IKBKB: variants seen among roughly 807,000 people sequenced by gnomAD.
IKBKB encodes inhibitor of nuclear factor kappa B kinase subunit beta.
IKBKB carries 42 observed loss-of-function variants against 113.6 expected under a neutral mutation model. The observed-to-expected ratio is 0.37, with a 90% CI of 0.29 to 0.48. The LOEUF (loss-of-function observed/expected upper bound fraction) is 0.48. IKBKB is among the 20% of genes least tolerant of loss of function. The pLI, the probability that IKBKB is intolerant of heterozygous loss-of-function variation, is 0.99. For synonymous variants in IKBKB, 296 were observed against 361.3 expected (o/e 0.82, Z 2.05); for missense variants, 673 against 939.7 (o/e 0.72, Z 3.71).
chr8:42,275,895 G>GC (rs2130062581), intron 2 of IKBKB, among the ~76,000 whole-genome samples: 1 of 152,108 alleles, frequency 6.6e-6, no homozygotes, highest in South Asian at 2.1e-4. Context: ...AGGCTGGAGT[G>GC]CAGTGGCATG....
At chr8:42,326,322 C>T (rs1018074240) in intron 20 of IKBKB, 1 of 548,688 alleles carries the variant, frequency 1.8e-6, no homozygotes, top group African/African-American at 1.9e-5. Flanking sequence ...GGATGACTAA[C>T]TGCTTAATGA....
chr8:42,271,641 TGGGGTGGCTTCTTG>T (rs1041362843), intron 1 of IKBKB, 172 bp downstream of exon 1: 6 of 543,888 alleles, frequency 1.1e-5, no homozygotes, highest in East Asian at 3.3e-5. Context: ...CAGCTCTCCC[TGGGGTGGCTTCTTG>T]GGGGTGGGTG....
At chr8:42,326,666 C>G (rs1207187970) in intron 20 of IKBKB, among the ~76,000 whole-genome samples, 1 of 152,186 alleles carries the variant, frequency 6.6e-6, no homozygotes, top group African/African-American at 2.4e-5. Context: ...AACAGCTTCT[C>G]CCTCCATTAT....
intron 19 of IKBKB, among the ~76,000 whole-genome samples, chr8:42,323,775 C>T (rs1478425117): frequency 3.3e-5 from 5 of 152,100 alleles, no homozygotes; most frequent in African/African-American, 1.2e-4. Context: ...AACAGGATGA[C>T]GAGGTAGAGA....
chr8:42,330,228 A>G, intron 21 of IKBKB: 1 of 980,500 alleles, frequency 1.0e-6, no homozygotes, highest in Non-Finnish European at 1.2e-6. Context: ...ACAGAATCTC[A>G]AGGACTCTGA....
chr8:42,325,752 A>G (rs1820614861), intron 19 of IKBKB: 2 of 1,359,282 alleles, frequency 1.5e-6, no homozygotes, highest in East Asian at 6.1e-5. Context: ...CCTTAAATTT[A>G]GAATCCTTTC....
intron 2 of IKBKB, among the ~76,000 whole-genome samples, chr8:42,281,248 C>T (rs576771445): frequency 1.2e-3 from 189 of 152,204 alleles, no homozygotes; most frequent in African/African-American, 3.8e-3. Flanking sequence ...AGACAGAAGC[C>T]GACTCAGGTG....
intron 5 of IKBKB, chr8:42,297,938 G>A (rs868771812): frequency 1.5e-4 from 29 of 199,080 alleles, no homozygotes; most frequent in South Asian, 7.0e-4. Context: ...GGCGGGCACA[G>A]AGGTGAGCCC....
In IKBKB at chr8:42,321,964, C is replaced by G. The variant is rs745716926; in HGVS notation, c.1738+19C>G. 3 of 1,612,404 alleles carry G rather than the reference C, an allele frequency of 1.9e-6. No homozygotes were observed. The African/African-American group carries it at 4.0e-5, about 22-fold the overall frequency. Reference sequence around the variant, plus strand: ...CCTCGAGGTAAGTGGGGTTCTGTGTCTGCCTTGGGCTTCTCCTTATCTCAT... The same window carrying G: ...CCTCGAGGTAAGTGGGGTTCTGTGTGTGCCTTGGGCTTCTCCTTATCTCAT... On this transcript the variant is annotated intron_variant, in intron 17 of 21. Transcript: ENST00000520810.
At chr8:42,312,283 A>G (rs1817859759) in intron 8 of IKBKB, among the ~76,000 whole-genome samples, 1 of 152,230 alleles carries the variant, frequency 6.6e-6, no homozygotes, top group African/African-American at 2.4e-5. Context: ...CATTAGAACT[A>G]GAAGAACAGG....
chr8:42,288,753 C>T, intron 3 of IKBKB, 25 bp downstream of exon 3: 3 of 1,564,374 alleles, frequency 1.9e-6, no homozygotes, highest in Non-Finnish European at 2.6e-6. Flanking sequence ...CATAGGGACC[C>T]AAGGGAAAGC....
intron 8 of IKBKB, among the ~76,000 whole-genome samples, chr8:42,310,570 T>C (rs1050432866): frequency 6.6e-6 from 1 of 152,234 alleles, no homozygotes; most frequent in African/African-American, 2.4e-5. Flanking sequence ...CCAATTTATC[T>C]GCAACACAAA....
rs549854961 is a variant in IKBKB at position 42,279,632 on chromosome 8, T to C, written c.105+7427T>C. Among the ~76,000 whole-genome samples, 34 of 152,264 alleles carry C rather than the reference T, an allele frequency of 2.2e-4. No individual in the cohort carries two copies. In the South Asian group the frequency reaches 5.0e-3, roughly 22 times the overall value. The stretch of plus-strand genomic sequence containing the variant: ...TATAGTTGAGGAGACTGAAGCACAG[T>C]CTCTGTGACTCACCCACAGACCTGA... On this transcript the variant is annotated intron_variant, in intron 2 of 21. Transcript: ENST00000520810.
At chr8:42,292,872 C>T (rs530131471) in intron 4 of IKBKB, among the ~76,000 whole-genome samples, 4 of 152,156 alleles carry the variant, frequency 2.6e-5, no homozygotes, top group East Asian at 3.9e-4. Flanking sequence ...TCCTCCAACA[C>T]GGGGATTCCA....
At chr8:42,272,413 A>G in intron 2 of IKBKB, 1 of 620,992 alleles carries the variant, frequency 1.6e-6, no homozygotes, top group Non-Finnish European at 2.8e-6. Flanking sequence ...TGTCACCTAA[A>G]TAAATAGTAA....
At chr8:42,279,348 C>T (rs927940941) in intron 2 of IKBKB, among the ~76,000 whole-genome samples, 8 of 152,216 alleles carry the variant, frequency 5.3e-5, no homozygotes, top group African/African-American at 1.2e-4. Flanking sequence ...TTTTACTCCA[C>T]GTAACAACAG....
In IKBKB at chr8:42,317,633, C is replaced by A. The variant is rs530642803; in HGVS notation, c.1126-24C>A. The stretch of plus-strand genomic sequence containing the variant: ...AAGAGAGGGTTGGATCCACAAGATT[C>A]ATTTTGTCCTTGTCCCTTTGCAGTT... On this transcript the variant is annotated intron_variant, in intron 11 of 21. Transcript: ENST00000520810. 24 of 1,445,644 alleles carry A rather than the reference C, an allele frequency of 1.7e-5. No individual in the cohort carries two copies. In the East Asian group the frequency reaches 4.8e-4, roughly 29 times the overall value. The allele number at this position is 1,445,644 out of a possible 1,614,324, so 89.6% of individuals were successfully genotyped here. A position where few individuals can be genotyped will look rare whatever the true frequency, so the allele number is the denominator to read the frequency against.
In IKBKB at chr8:42,320,905, G is replaced by A. The variant is rs1023779183; in HGVS notation, c.1688+61G>A. The A allele has an allele frequency of 5.4e-6, 6 of 1,112,504 alleles. No homozygotes were observed. The African/African-American group carries it at 6.4e-5, about 12-fold the overall frequency. 68.9% of individuals were successfully genotyped at this position (1,112,504 alleles called of 1,614,324 possible). A position where few individuals can be genotyped will look rare whatever the true frequency, so the allele number is the denominator to read the frequency against. On this transcript the variant is annotated intron_variant, in intron 16 of 21. Coordinates refer to ENST00000520810, the MANE Select transcript of IKBKB (RefSeq NM_001556.3). The stretch of plus-strand genomic sequence containing the variant: ...ACACACAGACAGCCCTGGAGCTTCG[G>A]TGTGTGTGTCAAGGGCACCCTCAGT...
rs112978927 is a variant in IKBKB, at chr8:42,305,757, G to A, written c.477+482G>A. On this transcript the variant is annotated intron_variant, in intron 6 of 21. Transcript: ENST00000520810. ...TCCTCAGTGGCCACCCGGCTCAGAC[G>A]TGGTGTTGACTGCCCCACAAGCTTG... is the stretch of plus-strand genomic sequence containing the variant. 4.3e-4 allele frequency among the ~76,000 whole-genome samples: 65 copies of A among 152,320 alleles called. 2 individuals carry two copies. Among genetic ancestry groups the A allele is most frequent in the African/African-American group, 1.4e-3 (58 of 41,578 alleles).
Sources: gnomAD v4.1 joint callset for allele counts (sites outside exome capture counted in the v4.1 genomes callset) on GRCh38, gnomAD v4.1.1 for gene constraint, MANE v1.5 for transcripts, NCBI Gene and HGNC (gene_info 2026-07-23, HGNC 2026-07-21) for gene names.